KCNB2: variants seen among roughly 807,000 people sequenced by gnomAD.
The protein encoded by KCNB2 is potassium voltage-gated channel subfamily B member 2.
Under a neutral mutation model 61.5 loss-of-function variants are expected in KCNB2, and 15 were observed. That is an observed-to-expected ratio of 0.24 (90% confidence interval 0.16 to 0.38). The LOEUF (loss-of-function observed/expected upper bound fraction) is 0.38, where lower values mean the gene tolerates loss of function less well. Among genes scored for constraint, KCNB2 ranks in the 10% least tolerant of loss-of-function variants. The pLI is 1.00. For synonymous variants in KCNB2, 457 were observed against 446.0 expected (o/e 1.02, Z -0.31); for missense variants, 828 against 1,125.2 (o/e 0.74, Z 3.78).
intron 2 of KCNB2, among the ~76,000 whole-genome samples, chr8:72,589,616 A>C (rs1807061307): frequency 6.6e-6 from 1 of 152,224 alleles, no homozygotes; most frequent in African/African-American, 2.4e-5. Context: ...ATGTCTAATT[A>C]TCTAAACCTA....
intron 2 of KCNB2, among the ~76,000 whole-genome samples, chr8:72,577,074 C>T (rs939451134): frequency 3.9e-5 from 6 of 152,176 alleles, no homozygotes; most frequent in Admixed American, 6.5e-5. Flanking sequence ...AACTCCTTAA[C>T]TAATGCATAA....
chr8:72,744,180 A>G (rs578208603), intron 2 of KCNB2, among the ~76,000 whole-genome samples: 1 of 152,336 alleles, frequency 6.6e-6, no homozygotes, highest in Admixed American at 6.5e-5. Flanking sequence ...GAGAAGACCA[A>G]GTGCAGGACT....
intron 2 of KCNB2, among the ~76,000 whole-genome samples, chr8:72,629,681 G>A (rs543412960): frequency 6.6e-6 from 1 of 152,132 alleles, no homozygotes; most frequent in Non-Finnish European, 1.5e-5. Context: ...AAGGAAAATT[G>A]GAGTGCTGTC....
intron 2 of KCNB2, among the ~76,000 whole-genome samples, chr8:72,639,032 A>G (rs1806011784): frequency 1.3e-5 from 2 of 152,194 alleles, no homozygotes; most frequent in African/African-American, 2.4e-5. Flanking sequence ...ATCATCACCT[A>G]TAAAGCTCCC....
At chr8:72,582,080 C>T (rs751146793) in intron 2 of KCNB2, among the ~76,000 whole-genome samples, 1 of 152,162 alleles carries the variant, frequency 6.6e-6, no homozygotes, top group Non-Finnish European at 1.5e-5. Context: ...GTTACCAACT[C>T]GTCTGAGTCT....
At chr8:72,824,121 A>G (rs1809557174) in intron 2 of KCNB2, among the ~76,000 whole-genome samples, 1 of 152,300 alleles carries the variant, frequency 6.6e-6, no homozygotes, top group Admixed American at 6.5e-5. Flanking sequence ...ACACAGTCTT[A>G]GCTGTGCAAT....
At chr8:72,594,307 C>T (rs1447713125) in intron 2 of KCNB2, among the ~76,000 whole-genome samples, 1 of 152,172 alleles carries the variant, frequency 6.6e-6, no homozygotes, top group East Asian at 1.9e-4. Context: ...TCATCCTCCT[C>T]AATCCCTGCC....
At chr8:72,830,227 C>CAAAAAAAA (rs543474001) in intron 2 of KCNB2, among the ~76,000 whole-genome samples, 2 of 83,424 alleles carry the variant, frequency 2.4e-5, no homozygotes, top group Admixed American at 1.7e-4. Context: ...TCATATTTTC[C>CAAAAAAAA]AAAAAAAAAA....
At chr8:72,663,607 A>G (rs547090372) in intron 2 of KCNB2, among the ~76,000 whole-genome samples, 2 of 152,292 alleles carry the variant, frequency 1.3e-5, no homozygotes, top group South Asian at 4.1e-4. Flanking sequence ...ATTTCCAAGA[A>G]AGGGTTCCAT....
chr8:72,680,277 G>A (rs902163470), intron 2 of KCNB2, among the ~76,000 whole-genome samples: 5 of 152,136 alleles, frequency 3.3e-5, no homozygotes, highest in Non-Finnish European at 7.4e-5. Context: ...TGGGTTAGGG[G>A]GATGGAGAAC....
intron 2 of KCNB2, among the ~76,000 whole-genome samples, chr8:72,818,532 T>C (rs1159343626): frequency 1.3e-5 from 2 of 152,192 alleles, no homozygotes; most frequent in Non-Finnish European, 2.9e-5. Context: ...AACTAAGTAA[T>C]ATGAACTAAC....
chr8:72,796,083 A>C (rs574662811), intron 2 of KCNB2, among the ~76,000 whole-genome samples: 1 of 152,152 alleles, frequency 6.6e-6, no homozygotes, highest in Non-Finnish European at 1.5e-5. Flanking sequence ...CATAATAGTT[A>C]CCCTTTTAAG....
At chr8:72,740,442 C>A (rs777310789) in intron 2 of KCNB2, among the ~76,000 whole-genome samples, 24 of 152,098 alleles carry the variant, frequency 1.6e-4, no homozygotes, top group Non-Finnish European at 3.2e-4. Context: ...AGGCCACTGT[C>A]CCCTACTAAA....
intron 2 of KCNB2, among the ~76,000 whole-genome samples, chr8:72,689,775 G>A (rs922698461): frequency 2.6e-5 from 4 of 151,696 alleles, no homozygotes; most frequent in Non-Finnish European, 5.9e-5. Flanking sequence ...AGAATATATC[G>A]CATTTTATCC....
chr8:72,916,570 T>A (rs1474440651), intron 2 of KCNB2, among the ~76,000 whole-genome samples: 1 of 152,186 alleles, frequency 6.6e-6, no homozygotes, highest in Non-Finnish European at 1.5e-5. Flanking sequence ...TGTGGACAGC[T>A]TAAGTGTTAA....
At chr8:72,589,327 G>A (rs1305321850) in intron 2 of KCNB2, among the ~76,000 whole-genome samples, 1 of 151,930 alleles carries the variant, frequency 6.6e-6, no homozygotes, top group Non-Finnish European at 1.5e-5. Flanking sequence ...GTCAAAGTTT[G>A]TAGTATAGAG....
chr8:72,930,727 T>C (rs2129009001), intron 2 of KCNB2, among the ~76,000 whole-genome samples: 1 of 152,262 alleles, frequency 6.6e-6, no homozygotes, highest in Middle Eastern at 3.4e-3. Context: ...ATTGCAAAAA[T>C]TTTCTCTCAT....
At chr8:72,551,668 C>T (rs1166941690) in intron 1 of KCNB2, among the ~76,000 whole-genome samples, 3 of 152,142 alleles carry the variant, frequency 2.0e-5, no homozygotes, top group Non-Finnish European at 2.9e-5. Context: ...CTCATCATGC[C>T]GTCTTCTAGC....
At chr8:72,770,752 A>G (rs1808544486) in intron 2 of KCNB2, among the ~76,000 whole-genome samples, 1 of 152,220 alleles carries the variant, frequency 6.6e-6, no homozygotes, top group African/African-American at 2.4e-5. Context: ...AATGATCACT[A>G]TTATTATTAC....
Sources: gnomAD v4.1 joint callset for allele counts (sites outside exome capture counted in the v4.1 genomes callset) on GRCh38, gnomAD v4.1.1 for gene constraint, MANE v1.5 for transcripts, NCBI Gene and HGNC (gene_info 2026-07-23, HGNC 2026-07-21) for gene names.